FAM135B: variants seen among roughly 807,000 people sequenced by gnomAD.
FAM135B encodes protein FAM135B.
A neutral mutation model predicts 127.7 loss-of-function variants in FAM135B; 43 were observed. The observed-to-expected ratio is 0.34, with a 90% CI of 0.26 to 0.43. FAM135B has a LOEUF of 0.43. Ranked by LOEUF, FAM135B falls within the 20% of genes least tolerant of loss-of-function variation. The pLI is 1.00. For missense variants in FAM135B, 1,558 were observed against 1,725.6 expected (o/e 0.90, Z 1.72); for synonymous variants, 670 against 665.1 (o/e 1.01, Z -0.11).
chr8:138,252,904 A>G (rs555037862), intron 5 of FAM135B, among the ~76,000 whole-genome samples: 45 of 152,200 alleles, frequency 3.0e-4, no homozygotes, highest in African/African-American at 1.0e-3. Flanking sequence ...GGTTCAAGCA[A>G]TTGTCCCACC....
intron 1 of FAM135B, among the ~76,000 whole-genome samples, chr8:138,469,007 G>T (rs1484348879): frequency 1.3e-5 from 2 of 151,974 alleles, no homozygotes; most frequent in Non-Finnish European, 2.9e-5. Flanking sequence ...TACAGCCAGT[G>T]CGCTCCAGCC....
rs1402812213 is a variant in FAM135B at position 138,139,249 on chromosome 8, G to A, written c.3791-153C>T. On this transcript the variant is annotated intron_variant, in intron 17 of 19. Coordinates refer to ENST00000395297, the MANE Select transcript of FAM135B (RefSeq NM_015912.4). Reference sequence around the variant, plus strand: ...ATACTAGCAAATAGTTGGGAAGTTAGAGGTAAATTTGTCCTCTCACGTACT... The same window carrying A: ...ATACTAGCAAATAGTTGGGAAGTTAAAGGTAAATTTGTCCTCTCACGTACT... 2.6e-5 allele frequency among the ~76,000 whole-genome samples: 4 copies of A among 152,158 alleles called. No homozygotes were observed. In the South Asian group the frequency reaches 8.3e-4, roughly 31 times the overall value.
chr8:138,496,349 G>T (rs939144602), intron 1 of FAM135B, among the ~76,000 whole-genome samples: 1 of 152,102 alleles, frequency 6.6e-6, no homozygotes, highest in African/African-American at 2.4e-5. Context: ...GGGTTCCCTG[G>T]CTCCAAGGAC....
At position 138,243,154 on chromosome 8, in the gene FAM135B, G is replaced by T; in HGVS notation, c.543-86C>A. On this transcript the variant is annotated intron_variant, in intron 6 of 19. Coordinates refer to ENST00000395297, the MANE Select transcript of FAM135B (RefSeq NM_015912.4). This position sits in a 1 kb window ranked among gnomAD's most constrained non-coding sequence, Gnocchi z 7.5. Reference sequence around the variant, plus strand: ...CTCAGCCCCTTTGAGGAGTGTTCCTGTGAAGCATTTGGGATAAGTCATTTA... The same window carrying T: ...CTCAGCCCCTTTGAGGAGTGTTCCTTTGAAGCATTTGGGATAAGTCATTTA... The T allele has an allele frequency of 1.4e-6, 2 of 1,476,178 alleles. No homozygotes were observed. The highest frequency in any genetic ancestry group is 1.8e-6 in the Non-Finnish European group (2 of 1,105,756). 91.4% of individuals were successfully genotyped at this position (1,476,178 alleles called of 1,614,324 possible).
chr8:138,279,411 A>C (rs1003372051), intron 3 of FAM135B, among the ~76,000 whole-genome samples: 15 of 152,148 alleles, frequency 9.9e-5, no homozygotes, highest in Admixed American at 7.2e-4. Flanking sequence ...AATTGATAGC[A>C]TCATCCTCAC....
intron 6 of FAM135B, among the ~76,000 whole-genome samples, chr8:138,244,841 T>A (rs1821156139): frequency 6.6e-6 from 1 of 152,204 alleles, no homozygotes. Flanking sequence ...CATATCCATT[T>A]GGGGGTTAAA....
intron 1 of FAM135B, among the ~76,000 whole-genome samples, chr8:138,479,903 T>G (rs961661321): frequency 6.6e-6 from 1 of 152,200 alleles, no homozygotes; most frequent in Non-Finnish European, 1.5e-5. Flanking sequence ...GTGCACCTAA[T>G]TTTCCCACAA....
At chr8:138,205,307 A>C (rs1817470815) in intron 7 of FAM135B, among the ~76,000 whole-genome samples, 1 of 152,186 alleles carries the variant, frequency 6.6e-6, no homozygotes, top group Non-Finnish European at 1.5e-5. Flanking sequence ...CAGATCAAGA[A>C]TCCAGACATG....
intron 3 of FAM135B, among the ~76,000 whole-genome samples, chr8:138,308,552 G>C (rs770306324): frequency 7.2e-5 from 11 of 152,162 alleles, no homozygotes; most frequent in Non-Finnish European, 1.2e-4. Context: ...GTTCTAAACA[G>C]TGTGCTACTG....
chr8:138,356,218 G>C (rs1272694362), intron 2 of FAM135B, among the ~76,000 whole-genome samples: 1 of 151,944 alleles, frequency 6.6e-6, no homozygotes, highest in Non-Finnish European at 1.5e-5. Flanking sequence ...AGCACAAAAG[G>C]ACTAAAATGG....
At chr8:138,374,552 A>T (rs530702744) in intron 1 of FAM135B, among the ~76,000 whole-genome samples, 2 of 152,204 alleles carry the variant, frequency 1.3e-5, no homozygotes, top group African/African-American at 4.8e-5. Flanking sequence ...GAGGTTCACA[A>T]ATACTATGGA....
In FAM135B at chr8:138,436,209, C is replaced by T. The variant is rs371429727; in HGVS notation, c.-20+60462G>A. Among the ~76,000 whole-genome samples, 14 of 152,190 alleles carry T rather than the reference C, an allele frequency of 9.2e-5. No individual in the cohort carries two copies. In the South Asian group the frequency reaches 1.0e-3, roughly 11 times the overall value. ...ACAAGCGGCTAAGCAAATGCTAAAACGATGAGAGAACCCGGATCTGCAAGA... is the reference window on the plus strand; with the variant it reads ...ACAAGCGGCTAAGCAAATGCTAAAATGATGAGAGAACCCGGATCTGCAAGA... On this transcript the variant is annotated intron_variant, in intron 1 of 19. Coordinates refer to ENST00000395297, the MANE Select transcript of FAM135B (RefSeq NM_015912.4).
At chr8:138,221,050 G>A (rs1183255266) in intron 7 of FAM135B, among the ~76,000 whole-genome samples, 1 of 152,182 alleles carries the variant, frequency 6.6e-6, no homozygotes, top group African/African-American at 2.4e-5. Context: ...GGGCCATGAT[G>A]CAGAAAGATG....
intron 3 of FAM135B, among the ~76,000 whole-genome samples, chr8:138,270,957 C>T (rs1179691934): frequency 6.6e-6 from 1 of 152,216 alleles, no homozygotes; most frequent in Non-Finnish European, 1.5e-5. Context: ...CAAGCTTCCT[C>T]TAAATTCTAA....
chr8:138,423,294 T>C lies in FAM135B; in HGVS notation c.-19-55292A>G, dbSNP rs1344574292. ...TAAAAGTTAGCGGAAAAAAAGCCTT[T>C]GCTTTCTACTTAGGGAGATATCGGG... On this transcript the variant is annotated intron_variant, in intron 1 of 19. Transcript: ENST00000395297. 2.6e-5 allele frequency among the ~76,000 whole-genome samples: 4 copies of C among 152,204 alleles called. No homozygotes were observed. The East Asian group carries it at 7.7e-4, about 29-fold the overall frequency.
chr8:138,292,514 G>C (rs914024828), intron 3 of FAM135B, among the ~76,000 whole-genome samples: 3 of 152,002 alleles, frequency 2.0e-5, no homozygotes, highest in Non-Finnish European at 4.4e-5. Context: ...CTTATGGATA[G>C]GAAGAATCAA....
At chr8:138,483,136 ATGCTTAAAG>A (rs1814853516) in intron 1 of FAM135B, among the ~76,000 whole-genome samples, 1 of 152,234 alleles carries the variant, frequency 6.6e-6, no homozygotes, top group Non-Finnish European at 1.5e-5. Flanking sequence ...ACTTAAATCA[ATGCTTAAAG>A]TGCAAAAGTT....
chr8:138,230,007 C>G (rs921485792), intron 7 of FAM135B, among the ~76,000 whole-genome samples: 2 of 152,146 alleles, frequency 1.3e-5, no homozygotes, highest in African/African-American at 4.8e-5. Context: ...AACCATAGAA[C>G]CTTCCAAAGG....
At chr8:138,494,784 G>A (rs1278168503) in intron 1 of FAM135B, among the ~76,000 whole-genome samples, 9 of 151,248 alleles carry the variant, frequency 6.0e-5, no homozygotes, top group East Asian at 3.9e-4. Flanking sequence ...CCCACAACCC[G>A]AGGTGAACAG....
Sources: gnomAD v4.1 joint callset for allele counts (sites outside exome capture counted in the v4.1 genomes callset) on GRCh38, gnomAD v4.1.1 for gene constraint, Gnocchi (gnomAD v3.1) non-coding constraint, MANE v1.5 for transcripts, NCBI Gene and HGNC (gene_info 2026-07-23, HGNC 2026-07-21) for gene names.